The following BRCA1 variants were observed in gnomAD, a reference collection of about 807,000 sequenced individuals.
BRCA1 encodes the protein BRCA1 DNA repair associated.
Under a neutral mutation model 173.7 loss-of-function variants are expected in BRCA1, and 140 were observed. That is an observed-to-expected ratio of 0.81 (90% CI 0.70 to 0.93). The LOEUF is 0.93. Among genes scored for constraint, BRCA1 ranks in the 40% least tolerant of loss-of-function variants. The pLI, the probability that BRCA1 is intolerant of heterozygous loss-of-function variation, is 0.00. For missense variants in BRCA1, 1,983 were observed against 2,172.5 expected (o/e 0.91, Z 1.73); for synonymous variants, 662 against 756.0 (o/e 0.88, Z 2.04).
Position 43,100,982 on chromosome 17 carries a change from C to T in BRCA1, c.442-1102G>A, listed in dbSNP as rs928131842. On this transcript the variant is annotated intron_variant, in intron 6 of 22. Transcript: ENST00000357654. ...CTGACCTCAGGTGATCTGCCTGCCT[C>T]GGCCTCCCAAAGTGCTGGGATTACA... 4.0e-5 allele frequency among the ~76,000 whole-genome samples: 6 copies of T among 151,502 alleles called. No homozygotes were observed. The East Asian group carries it at 5.9e-4, about 15-fold the overall frequency.
At chr17:43,126,985 G>A (rs569427551), upstream of BRCA1, among the ~76,000 whole-genome samples, 1 of 152,166 alleles carries the variant, frequency 6.6e-6, no homozygotes, top group African/African-American at 2.4e-5. Flanking sequence ...CAGAGGGTGC[G>A]CCGGGTCCCC....
chr17:43,142,922 G>A (rs2056085864), intron 1 of BRCA1, among the ~76,000 whole-genome samples: 1 of 145,032 alleles, frequency 6.9e-6, no homozygotes, highest in Non-Finnish European at 1.5e-5. Flanking sequence ...TTTTGTGTGT[G>A]TGTGTGTGTG....
chr17:43,093,800 T>G lies in BRCA1; in HGVS notation c.1731A>C (p.Glu577Asp), dbSNP rs28897678. ...NPNPIESLEKESAFKTKAEPI... is the reference protein window; with the variant it reads ...NPNPIESLEKDSAFKTKAEPI... ...GTTCAGCTTTCGTTTTGAAAGCAGATTCTTTTTCGAGTGATTCTATTGGGT... is the reference window on the plus strand; with the variant it reads ...GTTCAGCTTTCGTTTTGAAAGCAGAGTCTTTTTCGAGTGATTCTATTGGGT... Residue 577 changes from glutamate to aspartate, a missense_variant, in exon 10 of 23, where the codon GAA (glutamate) becomes GAC (aspartate). Coordinates refer to ENST00000357654, the MANE Select transcript of BRCA1 (RefSeq NM_007294.4). 1 of 1,613,654 alleles carries G rather than the reference T, an allele frequency of 6.2e-7. No homozygotes were observed. The highest frequency in any genetic ancestry group is 2.2e-5 in the East Asian group (1 of 44,874).
chr17:43,057,365 G>A (rs1567764833), intron 18 of BRCA1, among the ~76,000 whole-genome samples: 1 of 152,118 alleles, frequency 6.6e-6, no homozygotes, highest in East Asian at 1.9e-4. Context: ...CAAAAAATTA[G>A]TTGGGCGTGG....
At chr17:43,063,141 CA>C (rs1447602224) in intron 18 of BRCA1, among the ~76,000 whole-genome samples, 191 bp downstream of exon 18, 1 of 152,134 alleles carries the variant, frequency 6.6e-6, no homozygotes, top group African/African-American at 2.4e-5. Flanking sequence ...CCAAGCGCCT[CA>C]GCCTCCCAAA....
chr17:43,079,170 A>C, intron 12 of BRCA1: 1 of 677,126 alleles, frequency 1.5e-6, no homozygotes, highest in Non-Finnish European at 2.6e-6. Flanking sequence ...GTGAAACTTC[A>C]TCTCAAACAA....
chr17:43,142,950 ATGTG>A (rs1163739976), intron 1 of BRCA1, among the ~76,000 whole-genome samples: 8 of 134,916 alleles, frequency 5.9e-5, no homozygotes, highest in Non-Finnish European at 9.7e-5. Context: ...GTATATATAT[ATGTG>A]TGTGTGTGTG....
intron 1 of BRCA1, chr17:43,161,487 A>T (rs901845827): frequency 6.6e-6 from 1 of 152,202 alleles, no homozygotes; most frequent in African/African-American, 2.4e-5. Context: ...CCAATAACAC[A>T]ACTACTTGTC....
At chr17:43,072,867 C>T (rs1457329723) in intron 14 of BRCA1, among the ~76,000 whole-genome samples, 2 of 149,922 alleles carry the variant, frequency 1.3e-5, no homozygotes, top group African/African-American at 4.8e-5. Flanking sequence ...CACGCCTGGC[C>T]CCAGCTAGTT....
intron 1 of BRCA1, among the ~76,000 whole-genome samples, chr17:43,130,557 G>A (rs985392224): frequency 1.3e-5 from 2 of 152,120 alleles, no homozygotes; most frequent in African/African-American, 4.8e-5. Context: ...CAAGCGATCT[G>A]CCTGCCTCTG....
intron 1 of BRCA1, among the ~76,000 whole-genome samples, chr17:43,133,477 ACT>A (rs1206823330): frequency 1.3e-5 from 2 of 151,784 alleles, no homozygotes; most frequent in African/African-American, 2.4e-5. Flanking sequence ...GCTTTGAATA[ACT>A]CTGGGTAGTG....
chr17:43,102,134 G>C (rs2054505090), intron 6 of BRCA1, among the ~76,000 whole-genome samples: 1 of 150,490 alleles, frequency 6.6e-6, no homozygotes, highest in South Asian at 2.1e-4. Context: ...GCAGTGGCGG[G>C]ATCTCGGCTC....
Position 43,124,091 on chromosome 17 carries a change from A to G in BRCA1, c.6T>C (p.Asp2=), listed in dbSNP as rs754763517. The G allele has an allele frequency of 1.9e-6, 3 of 1,612,798 alleles. No individual in the cohort carries two copies. The African/African-American group carries it at 4.0e-5, about 22-fold the overall frequency. The change falls in exon 2 of 23, where the codon GAT becomes GAC. Residue 2 remains aspartate, a synonymous_variant. Coordinates refer to ENST00000357654, the MANE Select transcript of BRCA1 (RefSeq NM_007294.4). ...CTTCTTCAACGCGAAGAGCAGATAA[A>G]TCCATTTCTTTCTGTTCCAATGAAC... M[D]LSALRVEEVQ... is the part of the protein sequence containing the mutation.
intron 2 of BRCA1, among the ~76,000 whole-genome samples, chr17:43,118,833 G>T (rs1360481261): frequency 6.7e-6 from 1 of 148,320 alleles, no homozygotes; most frequent in Non-Finnish European, 1.5e-5. Flanking sequence ...GTGTGGTCTT[G>T]GCTCACTGCA....
chr17:43,066,812 C>CTTTT (rs34253779), intron 16 of BRCA1, among the ~76,000 whole-genome samples: 28 of 112,238 alleles, frequency 2.5e-4, no homozygotes, highest in African/African-American at 8.2e-4. Context: ...CCCTCCAAAC[C>CTTTT]TTTTTTTTTT....
chr17:43,140,118 G>T (rs182493207), intron 1 of BRCA1: 6 of 335,766 alleles, frequency 1.8e-5, no homozygotes, highest in African/African-American at 6.5e-5. Context: ...GCTGGAGCTC[G>T]ATCATGCCTG....
At chr17:43,096,656 T>A (rs910244522) in intron 8 of BRCA1, among the ~76,000 whole-genome samples, 5 of 151,450 alleles carry the variant, frequency 3.3e-5, no homozygotes, top group African/African-American at 1.2e-4. Flanking sequence ...TAGTTTATTA[T>A]ATAACATACA....
rs536311534 is a variant in BRCA1, at chr17:43,057,236, G to A, written c.5194-101C>T. The A allele has an allele frequency of 2.6e-5, 29 of 1,127,366 alleles. No homozygotes were observed. In the South Asian group the frequency reaches 3.2e-4, roughly 13 times the overall value. 69.8% of individuals were successfully genotyped at this position (1,127,366 alleles called of 1,614,324 possible). On this transcript the variant is annotated intron_variant, in intron 18 of 22. Coordinates refer to ENST00000357654, the MANE Select transcript of BRCA1 (RefSeq NM_007294.4). The stretch of plus-strand genomic sequence containing the variant: ...CATATTTAAGGCATTCAGGCCAGGC[G>A]CAGTGGCTCACCCCTGTAATCCTAG...
chr17:43,150,905 C>G (rs1174005306), intron 1 of BRCA1, among the ~76,000 whole-genome samples: 2 of 152,132 alleles, frequency 1.3e-5, no homozygotes, highest in African/African-American at 4.8e-5. Context: ...CGGTTCCAGG[C>G]AAACCAAGTG....
Sources: gnomAD v4.1 joint callset for allele counts (sites outside exome capture counted in the v4.1 genomes callset) on GRCh38, gnomAD v4.1.1 for gene constraint, MANE v1.5 for transcripts, NCBI Gene and HGNC (gene_info 2026-07-23, HGNC 2026-07-21) for gene names.